Variants in NTN4 observed in about 807,000 individuals in gnomAD.
NTN4 encodes the protein netrin-4.
Under a neutral mutation model 73.6 loss-of-function variants are expected in NTN4, and 32 were observed. That is an observed-to-expected ratio of 0.44 (90% CI 0.33 to 0.58). The LOEUF (loss-of-function observed/expected upper bound fraction) is 0.58, where lower values mean the gene tolerates loss of function less well. Among genes scored for constraint, NTN4 ranks in the 20% least tolerant of loss-of-function variants. The probability of loss-of-function intolerance (pLI) is 0.04; values close to 1 mark genes in which losing one functional copy is unlikely to be tolerated. For synonymous variants in NTN4, 258 were observed against 287.5 expected (o/e 0.90, Z 1.04); for missense variants, 654 against 798.3 (o/e 0.82, Z 2.18).
rs546195586 is a variant in NTN4, at chr12:95,751,926, G to A, written c.586-13782C>T. Among the ~76,000 whole-genome samples the A allele has an allele frequency of 9.0e-4, 129 of 143,190 alleles. No homozygotes were observed. The Middle Eastern group carries it at 0.014, about 15-fold the overall frequency. The allele number at this position is 143,190 out of a possible 152,430, so 93.9% of individuals were successfully genotyped here. On this transcript the variant is annotated intron_variant, in intron 2 of 9. Transcript: ENST00000343702. ...CTTTTTAGTTATCCCCACCTGCCCA[G>A]TTCCCTTATTAGGCTGACGCTTTAA...
At chr12:95,662,613 GAC>G (rs1188589364) in intron 9 of NTN4, among the ~76,000 whole-genome samples, 1 of 152,098 alleles carries the variant, frequency 6.6e-6, no homozygotes, top group Admixed American at 6.6e-5. Flanking sequence ...GGAAAATAAT[GAC>G]ACAGAGAGGT....
intron 2 of NTN4, among the ~76,000 whole-genome samples, chr12:95,752,216 C>G (rs991406098): frequency 6.6e-6 from 1 of 151,560 alleles, no homozygotes; most frequent in Non-Finnish European, 1.5e-5. Flanking sequence ...TACAGCATGG[C>G]CTTTTAAAGC....
At chr12:95,686,275 CAG>C (rs1213729988) in intron 5 of NTN4, among the ~76,000 whole-genome samples, 1 of 152,034 alleles carries the variant, frequency 6.6e-6, no homozygotes, top group East Asian at 1.9e-4. Flanking sequence ...GTGGGGGAAA[CAG>C]AGAAGTAAAT....
chr12:95,739,957 T>G (rs1052211592), intron 2 of NTN4: 1 of 152,288 alleles, frequency 6.6e-6, no homozygotes, highest in Admixed American at 6.5e-5. Context: ...GTAGGAACTT[T>G]GAAGCTCTTC....
intron 9 of NTN4, among the ~76,000 whole-genome samples, chr12:95,665,477 CT>C (rs1427840907): frequency 6.6e-6 from 1 of 152,118 alleles, no homozygotes; most frequent in African/African-American, 2.4e-5. Flanking sequence ...GTAATAGGAC[CT>C]AGCTTTCAGA....
chr12:95,748,044 A>G (rs1456970577), intron 2 of NTN4, among the ~76,000 whole-genome samples: 1 of 151,952 alleles, frequency 6.6e-6, no homozygotes, highest in Non-Finnish European at 1.5e-5. Context: ...AGCCTGGCCA[A>G]TATGGTGAAA....
At chr12:95,777,587 G>A (rs562343699) in intron 2 of NTN4, among the ~76,000 whole-genome samples, 1 of 152,190 alleles carries the variant, frequency 6.6e-6, no homozygotes, top group Admixed American at 6.5e-5. Flanking sequence ...ATGGTAAAGG[G>A]ATCAATTCAA....
rs756316931 is a variant in NTN4, at chr12:95,682,735, C to T, written c.1482G>A (p.Ala494=). The part of the protein sequence containing the change: ...KSEPAWEWED[A]QGFSALLHSG... ...AGTGTAGAAGTGCAGAAAACCCCTGCGCATCCTCCCACTCCCAGGCTGGTT... is the reference window on the plus strand; with the variant it reads ...AGTGTAGAAGTGCAGAAAACCCCTGTGCATCCTCCCACTCCCAGGCTGGTT... The change falls in exon 7 of 10, where the codon GCG becomes GCA. Residue 494 remains alanine (A), a synonymous_variant. Transcript: ENST00000343702. 19 of 1,613,142 alleles carry T rather than the reference C, an allele frequency of 1.2e-5. No homozygotes were observed. The highest frequency in any genetic ancestry group is 5.5e-5 in the South Asian group (5 of 91,044).
At chr12:95,725,691 A>G (rs1460291768) in intron 3 of NTN4, among the ~76,000 whole-genome samples, 4 of 152,174 alleles carry the variant, frequency 2.6e-5, no homozygotes. Flanking sequence ...GTTGTCTTCC[A>G]TTGTTTTTTG....
At chr12:95,717,942 A>G (rs771572452) in intron 3 of NTN4, among the ~76,000 whole-genome samples, 1 of 152,218 alleles carries the variant, frequency 6.6e-6, no homozygotes, top group Non-Finnish European at 1.5e-5. Flanking sequence ...TTCTCTGCCA[A>G]TGTCAAAAGT....
intron 2 of NTN4, among the ~76,000 whole-genome samples, chr12:95,763,701 A>G (rs558256829): frequency 2.0e-5 from 3 of 152,312 alleles, no homozygotes; most frequent in African/African-American, 7.2e-5. Flanking sequence ...TCTAGCCTCT[A>G]TTTCTGAACC....
chr12:95,770,999 T>TTTCTTTTTTTTTTTTTC (rs1385142894), intron 2 of NTN4, among the ~76,000 whole-genome samples: 1 of 144,324 alleles, frequency 6.9e-6, no homozygotes, highest in Non-Finnish European at 1.5e-5. Flanking sequence ...TTTGTTTTTT[T>TTTCTTTTTTTTTTTTTC]TTTTTTTTGA....
chr12:95,779,285 CA>C (rs2079116001), intron 2 of NTN4, among the ~76,000 whole-genome samples: 1 of 152,194 alleles, frequency 6.6e-6, no homozygotes, highest in South Asian at 2.1e-4. Flanking sequence ...TCCTATTCAA[CA>C]TAGTGTTGGA....
At chr12:95,670,671 C>A (rs1402105752) in intron 7 of NTN4, 1 of 152,166 alleles carries the variant, frequency 6.6e-6, no homozygotes, top group African/African-American at 2.4e-5. Flanking sequence ...CAATTCTTGC[C>A]TTAAGGCTTG....
intron 3 of NTN4, among the ~76,000 whole-genome samples, chr12:95,724,350 C>T (rs1053291078): frequency 2.6e-5 from 4 of 152,060 alleles, no homozygotes; most frequent in African/African-American, 9.7e-5. Context: ...TTCTTTGTTT[C>T]CAATAGGTTT....
At chr12:95,660,165 C>A (rs980205015) in intron 9 of NTN4, among the ~76,000 whole-genome samples, 3 of 152,086 alleles carry the variant, frequency 2.0e-5, no homozygotes, top group Non-Finnish European at 2.9e-5. Flanking sequence ...AGGCATGCAC[C>A]ACCATGCCTG....
At chr12:95,773,178 A>T (rs11108256) in intron 2 of NTN4, among the ~76,000 whole-genome samples, 4,215 of 151,942 alleles carry the variant, frequency 0.028, 547 homozygotes, top group Admixed American at 0.21. Flanking sequence ...TAATTTTTGT[A>T]TTTGTAGTAG....
At position 95,790,339 on chromosome 12, in the gene NTN4, G is replaced by C; in HGVS notation, c.-30C>G. On this transcript the variant is annotated 5_prime_UTR_variant, in exon 1 of 10. Coordinates refer to ENST00000343702, the MANE Select transcript of NTN4 (RefSeq NM_021229.4). The surrounding 1 kb of genome is among the most constrained non-coding windows in gnomAD (Gnocchi z 6.5). ...GGGAGGAGCCGGGAGCAGCCGGGCC[G>C]GGCGGGTGCCGGAGGGAGCCGAGAC... The C allele has an allele frequency of 1.3e-6, 2 of 1,517,756 alleles. No homozygotes were observed. Among genetic ancestry groups the C allele is most frequent in the Non-Finnish European group, 8.8e-7 (1 of 1,133,768 alleles). The allele number at this position is 1,517,756 out of a possible 1,614,324, so 94.0% of individuals were successfully genotyped here. A position where few individuals can be genotyped will look rare whatever the true frequency, so the allele number is the denominator to read the frequency against.
intron 9 of NTN4, among the ~76,000 whole-genome samples, chr12:95,660,664 T>A (rs956683920): frequency 6.6e-6 from 1 of 152,204 alleles, no homozygotes; most frequent in Non-Finnish European, 1.5e-5. Flanking sequence ...AGGAACGATT[T>A]TTAAAAATTA....
Sources: gnomAD v4.1 joint callset for allele counts (sites outside exome capture counted in the v4.1 genomes callset) on GRCh38, gnomAD v4.1.1 for gene constraint, Gnocchi (gnomAD v3.1) non-coding constraint, MANE v1.5 for transcripts, NCBI Gene and HGNC (gene_info 2026-07-23, HGNC 2026-07-21) for gene names.